SNX29: variants seen among roughly 807,000 people sequenced by gnomAD.
SNX29 encodes the protein sorting nexin-29.
A neutral mutation model predicts 102.1 loss-of-function variants in SNX29; 78 were observed. That is an observed-to-expected ratio of 0.76 (90% CI 0.64 to 0.92). SNX29 has a LOEUF of 0.92. Among genes scored for constraint, SNX29 ranks in the 40% least tolerant of loss-of-function variants. The pLI is 0.00. For synonymous variants in SNX29, 580 were observed against 414.5 expected, an observed-to-expected ratio of 1.40 and a Z score of -4.85; for missense variants, 1,280 against 1,061.7, an observed-to-expected ratio of 1.21 and a Z score of -2.86.
rs1000093571 is a variant in SNX29, at chr16:12,573,238, G to T, written c.*4609G>T. On this transcript the variant is annotated 3_prime_UTR_variant, in exon 21 of 21. Coordinates refer to ENST00000566228, the MANE Select transcript of SNX29 (RefSeq NM_032167.5). ...TCCCGCAGTTCATCCCATGGTTGTT[G>T]AAATGTACCTCGATCAGTCATCTCT... 1.3e-5 allele frequency: 3 copies of T among 227,020 alleles called. No individual in the cohort carries two copies. Among genetic ancestry groups the T allele is most frequent in the East Asian group, 1.3e-4 (2 of 15,708 alleles). 14.1% of individuals were successfully genotyped at this position (227,020 alleles called of 1,614,324 possible).
chr16:12,019,931 C>A (rs1450460204), intron 3 of SNX29, among the ~76,000 whole-genome samples: 1 of 152,096 alleles, frequency 6.6e-6, no homozygotes, highest in Admixed American at 6.6e-5. Flanking sequence ...GCCACTGCAC[C>A]TGGCCTGTAT....
intron 8 of SNX29, chr16:12,052,432 G>T (rs1204554910): frequency 2.1e-5 from 10 of 478,666 alleles, no homozygotes; most frequent in African/African-American, 1.6e-4. Context: ...GGCCAGGCTG[G>T]TCTCAAACTC....
chr16:12,554,123 C>G (rs117840085), intron 20 of SNX29, among the ~76,000 whole-genome samples: 1 of 152,356 alleles, frequency 6.6e-6, no homozygotes, highest in South Asian at 2.1e-4. Flanking sequence ...CCACCATGCC[C>G]AGCCTGGATG....
intron 13 of SNX29, among the ~76,000 whole-genome samples, chr16:12,181,038 G>C (rs906418168): frequency 6.6e-6 from 1 of 152,172 alleles, no homozygotes; most frequent in Non-Finnish European, 1.5e-5. Context: ...TCCTGGAAGG[G>C]AGTCCTGACA....
chr16:12,573,417 A>C lies in SNX29; in HGVS notation c.*4788A>C. ...TAGTTTCTATAGAGAAGTGAAAAAG[A>C]AATCTGGCTTCCTTAATAAGATAGT... On this transcript the variant is annotated 3_prime_UTR_variant, in exon 21 of 21. Coordinates refer to ENST00000566228, the MANE Select transcript of SNX29 (RefSeq NM_032167.5). The C allele has an allele frequency of 4.5e-6, 1 of 223,670 alleles. No individual in the cohort carries two copies. The highest frequency in any genetic ancestry group is 8.9e-6 in the Non-Finnish European group (1 of 112,096). 13.9% of individuals were successfully genotyped at this position (223,670 alleles called of 1,614,324 possible).
chr16:12,488,976 C>G (rs1460626439), intron 19 of SNX29, among the ~76,000 whole-genome samples: 1 of 152,144 alleles, frequency 6.6e-6, no homozygotes, highest in Non-Finnish European at 1.5e-5. Context: ...AAACGTTGGC[C>G]AAAGTATTTC....
chr16:12,349,729 T>C (rs540137550), intron 15 of SNX29, among the ~76,000 whole-genome samples: 2 of 152,368 alleles, frequency 1.3e-5, no homozygotes, highest in East Asian at 3.9e-4. Flanking sequence ...TATCTCATTT[T>C]TCTTTTCAAC....
chr16:12,266,293 G>T (rs138899318), intron 14 of SNX29, among the ~76,000 whole-genome samples: 1 of 152,080 alleles, frequency 6.6e-6, no homozygotes, highest in African/African-American at 2.4e-5. Flanking sequence ...ACGTATGGGG[G>T]TTTCTTCCAC....
chr16:12,363,142 G>T (rs1270603789), intron 16 of SNX29, among the ~76,000 whole-genome samples: 1 of 152,224 alleles, frequency 6.6e-6, no homozygotes, highest in Non-Finnish European at 1.5e-5. Context: ...AGGGCCTGAA[G>T]GCTGTCAGAA....
chr16:12,061,032 C>G (rs915392163), intron 8 of SNX29, among the ~76,000 whole-genome samples: 1 of 152,164 alleles, frequency 6.6e-6, no homozygotes, highest in Non-Finnish European at 1.5e-5. Context: ...AGCAGATGGC[C>G]TGTGATGCAT....
intron 13 of SNX29, among the ~76,000 whole-genome samples, chr16:12,146,299 C>G (rs973625455): frequency 1.3e-5 from 2 of 151,746 alleles, no homozygotes; most frequent in African/African-American, 4.8e-5. Context: ...AGAGTGTTTC[C>G]CTCTTGCCCA....
chr16:12,131,038 A>G (rs1597000924), intron 13 of SNX29, among the ~76,000 whole-genome samples: 1 of 152,352 alleles, frequency 6.6e-6, no homozygotes, highest in Middle Eastern at 3.4e-3. Context: ...TTGCTGGGTC[A>G]AAGTGCAGCG....
At chr16:12,526,241 A>G (rs1195003279) in intron 20 of SNX29, among the ~76,000 whole-genome samples, 1 of 152,080 alleles carries the variant, frequency 6.6e-6, no homozygotes, top group Non-Finnish European at 1.5e-5. Context: ...TTCAAAACAG[A>G]GGGTGCATTT....
At chr16:11,996,273 A>G (rs999585432) in intron 1 of SNX29, among the ~76,000 whole-genome samples, 1 of 151,094 alleles carries the variant, frequency 6.6e-6, no homozygotes, top group African/African-American at 2.4e-5. Context: ...AGTCCCAGCT[A>G]CTCGGAGGGC....
Position 12,516,045 on chromosome 16 carries a change from C to T in SNX29, c.2179-8657C>T, listed in dbSNP as rs367935697. On this transcript the variant is annotated intron_variant, in intron 19 of 20. Transcript: ENST00000566228. ...TTTCCTTTTCTCGGCTAGGCCTAGA[C>T]GTGGCCTGCCCCAACTCCCATTACC... Among the ~76,000 whole-genome samples, 17 of 152,270 alleles carry T rather than the reference C, an allele frequency of 1.1e-4. No homozygotes were observed. In the East Asian group the frequency reaches 2.3e-3, roughly 21 times the overall value.
At chr16:12,170,799 G>T (rs2076132406) in intron 13 of SNX29, among the ~76,000 whole-genome samples, 1 of 151,732 alleles carries the variant, frequency 6.6e-6, no homozygotes, top group Non-Finnish European at 1.5e-5. Context: ...GAGAGCACGT[G>T]TGTGTGTATG....
intron 15 of SNX29, among the ~76,000 whole-genome samples, chr16:12,291,747 A>G (rs1170409085): frequency 6.6e-6 from 1 of 152,198 alleles, no homozygotes; most frequent in Non-Finnish European, 1.5e-5. Flanking sequence ...CCATTGAGAC[A>G]TGGAGAAGGG....
At position 12,477,709 on chromosome 16, in the gene SNX29, T is replaced by A. The variant is rs2087719973; in HGVS notation, c.2038-10T>A. ...TTTAAGAGGAATTCACATTTTCTCT[T>A]TCTTGACAGGTCTACATCCGGATAA... On this transcript the variant is annotated splice_polypyrimidine_tract_variant and intron_variant, in intron 18 of 20. Transcript: ENST00000566228. 2.5e-6 allele frequency: 4 copies of A among 1,607,476 alleles called. No homozygotes were observed. The highest frequency in any genetic ancestry group is 2.2e-5 in the East Asian group (1 of 44,786).
At chr16:12,403,392 AT>A (rs2084037959) in intron 17 of SNX29, 55 bp from the exon 18 acceptor site, 8 of 1,500,040 alleles carry the variant, frequency 5.3e-6, no homozygotes, top group South Asian at 5.0e-5. Flanking sequence ...TTTATTTTTT[AT>A]TTTTTTGTAA....
Sources: allele counts gnomAD v4.1 joint callset (sites outside exome capture counted in the v4.1 genomes callset), GRCh38; gene constraint gnomAD v4.1.1; transcripts MANE v1.5; gene names NCBI Gene and HGNC (gene_info 2026-07-23, HGNC 2026-07-21).